The following CADPS variants were observed in gnomAD, a reference collection of about 807,000 sequenced individuals.
The protein encoded by CADPS is calcium-dependent secretion activator 1.
Under a neutral mutation model 167.3 loss-of-function variants are expected in CADPS, and 57 were observed. That is an observed-to-expected ratio of 0.34 (90% CI 0.28 to 0.42). The LOEUF is 0.42. CADPS is among the 20% of genes least tolerant of loss of function. The probability of loss-of-function intolerance (pLI) is 1.00; values close to 1 mark genes in which losing one functional copy is unlikely to be tolerated. For synonymous variants in CADPS, 676 were observed against 635.3 expected (o/e 1.06, Z -0.96); for missense variants, 1,414 against 1,738.1 (o/e 0.81, Z 3.32).
At position 62,650,710 on chromosome 3, in the gene CADPS, G is replaced by A. The variant is rs532874118; in HGVS notation, c.1203+137C>T. 12 of 633,056 alleles carry A rather than the reference G, an allele frequency of 1.9e-5. No homozygotes were observed. The East Asian group carries it at 2.8e-4, about 15-fold the overall frequency. 39.2% of individuals were successfully genotyped at this position (633,056 alleles called of 1,614,324 possible). A position where few individuals can be genotyped will look rare whatever the true frequency, so the allele number is the denominator to read the frequency against. ...ATGGGGAATCACTTGCTGATTAGCT[G>A]ACCTAAGCTTAGCATGCTGTTATTT... On this transcript the variant is annotated intron_variant, in intron 5 of 29. Coordinates refer to ENST00000383710, the MANE Select transcript of CADPS (RefSeq NM_003716.4).
chr3:62,626,535 C>T, intron 6 of CADPS: 1 of 702,830 alleles, frequency 1.4e-6, no homozygotes, highest in Non-Finnish European at 2.6e-6. Context: ...TCAAATGGCA[C>T]TGTGAGGCAG....
chr3:62,779,712 G>C, intron 1 of CADPS: 1 of 432,830 alleles, frequency 2.3e-6, no homozygotes, highest in Non-Finnish European at 4.6e-6. Context: ...ATCTACAGTT[G>C]TGACCAGTTT....
chr3:62,589,697 A>G (rs994517111), intron 7 of CADPS, among the ~76,000 whole-genome samples: 1 of 152,178 alleles, frequency 6.6e-6, no homozygotes, highest in Admixed American at 6.5e-5. Flanking sequence ...TGGCCCATGC[A>G]TGGGTCCCTG....
chr3:62,504,805 A>G (rs2066360485), intron 17 of CADPS, among the ~76,000 whole-genome samples: 1 of 152,182 alleles, frequency 6.6e-6, no homozygotes, highest in Admixed American at 6.5e-5. Context: ...AAAAACAAAA[A>G]GAGAATTCCG....
At chr3:62,526,946 C>A (rs1335937454) in intron 13 of CADPS, among the ~76,000 whole-genome samples, 1 of 152,088 alleles carries the variant, frequency 6.6e-6, no homozygotes, top group Non-Finnish European at 1.5e-5. Flanking sequence ...AGTTTGACAA[C>A]CAAAATCCTA....
chr3:62,509,883 T>C (rs1376321538), intron 17 of CADPS, among the ~76,000 whole-genome samples: 1 of 152,142 alleles, frequency 6.6e-6, no homozygotes, highest in African/African-American at 2.4e-5. Context: ...CAAAAATGCA[T>C]GGTATTTAAA....
intron 1 of CADPS, among the ~76,000 whole-genome samples, chr3:62,838,940 G>A (rs1486441288): frequency 6.6e-6 from 1 of 152,188 alleles, no homozygotes; most frequent in Admixed American, 6.5e-5. Flanking sequence ...GCTCTGGGCA[G>A]TCCTTCTAAA....
At chr3:62,617,244 A>G (rs1332710541) in intron 6 of CADPS, among the ~76,000 whole-genome samples, 1 of 152,090 alleles carries the variant, frequency 6.6e-6, no homozygotes, top group African/African-American at 2.4e-5. Flanking sequence ...AAATAGTGCT[A>G]ATGAACACTG....
chr3:62,701,232 C>G (rs2081329742), intron 3 of CADPS, among the ~76,000 whole-genome samples: 1 of 152,120 alleles, frequency 6.6e-6, no homozygotes, highest in South Asian at 2.1e-4. Context: ...ACCCACATTA[C>G]TCTTTTAGGA....
intron 3 of CADPS, among the ~76,000 whole-genome samples, chr3:62,703,517 C>T (rs1216565589): frequency 2.0e-5 from 3 of 152,104 alleles, no homozygotes; most frequent in Non-Finnish European, 4.4e-5. Context: ...TGACATTTGG[C>T]CTGTCCTGCC....
At chr3:62,468,664 C>T (rs1458532546) in intron 24 of CADPS, among the ~76,000 whole-genome samples, 19 of 152,160 alleles carry the variant, frequency 1.2e-4, no homozygotes. Context: ...TCAATTTTTC[C>T]ATGCCAAACT....
intron 17 of CADPS, among the ~76,000 whole-genome samples, chr3:62,507,783 TG>T (rs923121044): frequency 2.0e-5 from 3 of 152,214 alleles, no homozygotes; most frequent in African/African-American, 7.2e-5. Flanking sequence ...TGAAATCAAA[TG>T]ATATCATTAT....
chr3:62,722,438 G>GTGAACATCTCA (rs201061601), intron 3 of CADPS, among the ~76,000 whole-genome samples: 11 of 152,336 alleles, frequency 7.2e-5, no homozygotes, highest in Middle Eastern at 6.8e-3. Flanking sequence ...ATAAGCCCAA[G>GTGAACATCTCA]TGAACATCTC....
In CADPS at chr3:62,434,183, CAGTT is replaced by C. The variant is rs557803887; in HGVS notation, c.3777+3917_3777+3920del. Among the ~76,000 whole-genome samples, 35 of 152,238 alleles carry C rather than the reference CAGTT, an allele frequency of 2.3e-4. No homozygotes were observed. In the East Asian group the frequency reaches 6.4e-3, roughly 28 times the overall value. On this transcript the variant is annotated intron_variant, in intron 28 of 29. Coordinates refer to ENST00000383710, the MANE Select transcript of CADPS (RefSeq NM_003716.4). ...TGGAATATTCTCTTACTTTAAATCT[CAGTT>C]TGTTTTGTTTCAAAATGTTATAAAC...
chr3:62,695,791 T>C (rs1217515084), intron 3 of CADPS, among the ~76,000 whole-genome samples: 2 of 151,926 alleles, frequency 1.3e-5, no homozygotes, highest in Non-Finnish European at 2.9e-5. Flanking sequence ...CCTCAACCTC[T>C]CCAGTAGCTG....
chr3:62,766,798 A>G (rs536204736), intron 1 of CADPS, among the ~76,000 whole-genome samples: 1 of 152,300 alleles, frequency 6.6e-6, no homozygotes, highest in South Asian at 2.1e-4. Context: ...TGCAGGCAGC[A>G]CTAATTTATG....
chr3:62,677,766 C>T (rs1437115932), intron 3 of CADPS, among the ~76,000 whole-genome samples: 1 of 152,084 alleles, frequency 6.6e-6, no homozygotes, highest in African/African-American at 2.4e-5. Context: ...CTGTTAAACC[C>T]TTCCCAGTAT....
intron 1 of CADPS, among the ~76,000 whole-genome samples, chr3:62,826,138 G>T (rs2073998145): frequency 6.6e-6 from 1 of 152,120 alleles, no homozygotes; most frequent in Non-Finnish European, 1.5e-5. Flanking sequence ...ATGCAGTGGA[G>T]GCAGATGACA....
At chr3:62,842,047 T>C (rs1015406393) in intron 1 of CADPS, among the ~76,000 whole-genome samples, 2 of 152,172 alleles carry the variant, frequency 1.3e-5, no homozygotes, top group Non-Finnish European at 2.9e-5. Flanking sequence ...AAACCACATC[T>C]AAGCAGCAAA....
Sources: allele counts gnomAD v4.1 joint callset (sites outside exome capture counted in the v4.1 genomes callset), GRCh38; gene constraint gnomAD v4.1.1; transcripts MANE v1.5; gene names NCBI Gene and HGNC (gene_info 2026-07-23, HGNC 2026-07-21).